Variants in PRDM16 observed in about 807,000 individuals in gnomAD.
PRDM16 encodes the protein histone-lysine N-methyltransferase PRDM16.
Under a neutral mutation model 110.6 loss-of-function variants are expected in PRDM16, and 23 were observed. That is an observed-to-expected ratio of 0.21 (90% CI 0.15 to 0.29). The LOEUF (loss-of-function observed/expected upper bound fraction) is 0.29, where lower values mean the gene tolerates loss of function less well. Ranked by LOEUF, PRDM16 falls within the 10% of genes least tolerant of loss-of-function variation. The pLI is 1.00. For synonymous variants in PRDM16, 799 were observed against 781.8 expected, an observed-to-expected ratio of 1.02 and a Z score of -0.37; for missense variants, 1,615 against 1,794.3, an observed-to-expected ratio of 0.90 and a Z score of 1.81.
At chr1:3,119,869 G>A (rs977698556) in intron 1 of PRDM16, among the ~76,000 whole-genome samples, 2 of 152,210 alleles carry the variant, frequency 1.3e-5, no homozygotes, top group African/African-American at 2.4e-5. Flanking sequence ...TGCAGTGTGC[G>A]GGGGAGAGGG....
chr1:3,287,889 G>A (rs558881885), intron 3 of PRDM16, among the ~76,000 whole-genome samples: 119 of 152,318 alleles, frequency 7.8e-4, no homozygotes, highest in African/African-American at 2.7e-3. Flanking sequence ...GGCTGGAGCC[G>A]CCCCCTGCAT....
At chr1:3,239,076 C>T (rs1393419468) in intron 2 of PRDM16, among the ~76,000 whole-genome samples, 1 of 152,246 alleles carries the variant, frequency 6.6e-6, no homozygotes, top group African/African-American at 2.4e-5. Flanking sequence ...TTGCCATCAC[C>T]TTGATGCAAC....
chr1:3,360,992 G>A (rs1177552891), intron 3 of PRDM16, among the ~76,000 whole-genome samples: 2 of 152,262 alleles, frequency 1.3e-5, no homozygotes, highest in Non-Finnish European at 2.9e-5. Context: ...CGTTTTCTCG[G>A]CGGAGCCACT....
intron 3 of PRDM16, among the ~76,000 whole-genome samples, chr1:3,303,240 C>T (rs1037495733): frequency 6.6e-6 from 1 of 151,836 alleles, no homozygotes; most frequent in South Asian, 2.1e-4. Flanking sequence ...CCTCTCCCCC[C>T]AGCCCCTGGT....
chr1:3,419,904 C>T (rs1638381896), intron 12 of PRDM16, among the ~76,000 whole-genome samples: 1 of 151,718 alleles, frequency 6.6e-6, no homozygotes, highest in Non-Finnish European at 1.5e-5. Context: ...GCGCTCACAG[C>T]CCTCCCCAAT....
At chr1:3,090,302 G>C (rs1022680614) in intron 1 of PRDM16, among the ~76,000 whole-genome samples, 9 of 152,234 alleles carry the variant, frequency 5.9e-5, no homozygotes, top group Non-Finnish European at 1.0e-4. Flanking sequence ...TTCCCGAAGC[G>C]CTTCCATCCA....
chr1:3,238,666 C>T (rs1437355595), intron 2 of PRDM16, among the ~76,000 whole-genome samples: 2 of 152,238 alleles, frequency 1.3e-5, no homozygotes, highest in Non-Finnish European at 2.9e-5. Flanking sequence ...CAACGGGAAG[C>T]CGCCCAGCTT....
chr1:3,285,306 C>G (rs920374886), intron 3 of PRDM16, among the ~76,000 whole-genome samples: 1 of 152,208 alleles, frequency 6.6e-6, no homozygotes, highest in Non-Finnish European at 1.5e-5. Flanking sequence ...TTCTGATTAC[C>G]TCTCCAGGTG....
intron 3 of PRDM16, among the ~76,000 whole-genome samples, chr1:3,295,445 G>A (rs777169755): frequency 2.0e-5 from 3 of 152,152 alleles, no homozygotes; most frequent in African/African-American, 7.2e-5. Context: ...CAGATCCCTC[G>A]AGGACCCCCT....
chr1:3,395,811 T>A (rs1037738874), intron 4 of PRDM16, among the ~76,000 whole-genome samples: 6 of 152,224 alleles, frequency 3.9e-5, no homozygotes, highest in Non-Finnish European at 8.8e-5. Context: ...TGAGCAGAGT[T>A]CCAAATGGAG....
rs2981887 is a variant in PRDM16 at position 3,081,371 on chromosome 1, G to A, written c.37+12075G>A. ...GACCCTTGTTCAAAGGGAACGAGGG[G>A]CTGGTGGCCACGGTGGGCGTGAGAG... On this transcript the variant is annotated intron_variant, in intron 1 of 16. Coordinates refer to ENST00000270722, the MANE Select transcript of PRDM16 (RefSeq NM_022114.4). The surrounding 1 kb of genome is among the most constrained non-coding windows in gnomAD (Gnocchi z 4.6). Among the ~76,000 whole-genome samples the A allele has an allele frequency of 1.5e-3, 221 of 152,326 alleles. No homozygotes were observed. The highest frequency in any genetic ancestry group is 4.5e-3 in the African/African-American group (189 of 41,578).
At chr1:3,284,957 C>T (rs933828637) in intron 3 of PRDM16, among the ~76,000 whole-genome samples, 2 of 152,220 alleles carry the variant, frequency 1.3e-5, no homozygotes, top group African/African-American at 4.8e-5. Context: ...GAGTGACCTG[C>T]TCCCCTCTGG....
At chr1:3,355,912 C>G (rs1343657174) in intron 3 of PRDM16, among the ~76,000 whole-genome samples, 1 of 152,110 alleles carries the variant, frequency 6.6e-6, no homozygotes, top group Admixed American at 6.6e-5. Flanking sequence ...CAAACACCCC[C>G]CAAACACCCT....
chr1:3,406,178 G>A (rs187397934), intron 8 of PRDM16, among the ~76,000 whole-genome samples: 249 of 152,256 alleles, frequency 1.6e-3, no homozygotes, highest in African/African-American at 5.5e-3. Context: ...TAGGAGGCTC[G>A]CACACCAATG....
chr1:3,247,033 T>C (rs1639805873), intron 3 of PRDM16, among the ~76,000 whole-genome samples: 1 of 152,138 alleles, frequency 6.6e-6, no homozygotes, highest in Admixed American at 6.5e-5. Flanking sequence ...GTTTTCAGGA[T>C]GAATTCAGTA....
intron 2 of PRDM16, among the ~76,000 whole-genome samples, chr1:3,204,611 G>A (rs185555094): frequency 2.2e-4 from 34 of 152,356 alleles, no homozygotes; most frequent in African/African-American, 4.8e-4. Context: ...CGGCTGCTCC[G>A]TTATTTGTAG....
Position 3,209,175 on chromosome 1 carries a change from G to A in PRDM16, c.387+22701G>A, listed in dbSNP as rs1336973511. 6.6e-6 allele frequency among the ~76,000 whole-genome samples: 1 copy of A among 152,194 alleles called. No individual in the cohort carries two copies. Among genetic ancestry groups the A allele is most frequent in the African/African-American group, 2.4e-5 (1 of 41,436 alleles). ...AAAATATGGGAACATTTTGGTTCCA[G>A]GGGTAAGAAAAAATTAATCATTTAT... On this transcript the variant is annotated intron_variant, in intron 2 of 16. Transcript: ENST00000270722. The surrounding 1 kb of genome is among the most constrained non-coding windows in gnomAD (Gnocchi z 4.6).
chr1:3,151,932 C>T (rs922298268), intron 1 of PRDM16, among the ~76,000 whole-genome samples: 2 of 152,302 alleles, frequency 1.3e-5, no homozygotes, highest in African/African-American at 2.4e-5. Context: ...GCCTTTGGGC[C>T]GAGACATCCC....
At chr1:3,236,192 A>T (rs1639537817) in intron 2 of PRDM16, among the ~76,000 whole-genome samples, 1 of 152,120 alleles carries the variant, frequency 6.6e-6, no homozygotes, top group South Asian at 2.1e-4. Flanking sequence ...GGGCAGAGCA[A>T]GGTCACAGCC....
Sources: allele counts gnomAD v4.1 joint callset (sites outside exome capture counted in the v4.1 genomes callset), GRCh38; gene constraint gnomAD v4.1.1; non-coding constraint Gnocchi (gnomAD v3.1); transcripts MANE v1.5; gene names NCBI Gene and HGNC (gene_info 2026-07-23, HGNC 2026-07-21).